The following EHD1 variants were observed in gnomAD, a reference collection of about 807,000 sequenced individuals.
The protein encoded by EHD1 is EH domain containing 1, also known as EH domain-containing protein 1.
Under a neutral mutation model 39.0 loss-of-function variants are expected in EHD1, and 19 were observed. The observed-to-expected ratio is 0.49, with a 90% CI of 0.34 to 0.72. The LOEUF (loss-of-function observed/expected upper bound fraction) is 0.72, where lower values mean the gene tolerates loss of function less well. Among genes scored for constraint, EHD1 ranks in the 30% least tolerant of loss-of-function variants. The pLI is 0.01. For synonymous variants in EHD1, 323 were observed against 331.2 expected (o/e 0.98, Z 0.27); for missense variants, 542 against 751.5 (o/e 0.72, Z 3.26).
intron 2 of EHD1, among the ~76,000 whole-genome samples, chr11:64,861,314 C>T (rs1253999291): frequency 6.6e-6 from 1 of 152,174 alleles, no homozygotes; most frequent in Non-Finnish European, 1.5e-5. Context: ...TAAACAGGTG[C>T]TAATGCAAAG....
At chr11:64,878,836 T>A, upstream of EHD1, 2 of 1,130,756 alleles carry the variant, frequency 1.8e-6, no homozygotes, top group African/African-American at 1.6e-5. Context: ...CAACCGCACC[T>A]GTTTCGCCCC....
At chr11:64,877,901 G>C (rs1393397634) in intron 1 of EHD1, 160 bp downstream of exon 1, 1 of 686,500 alleles carries the variant, frequency 1.5e-6, no homozygotes, top group Non-Finnish European at 2.2e-6. Context: ...GGTTTACTCT[G>C]GGAAGGGGCA....
At position 64,868,593 on chromosome 11, in the gene EHD1, C is replaced by T. The variant is rs142124297; in HGVS notation, c.502+5828G>A. ...GCAAAAGGCTTCATCCTGTATGATT[C>T]CATTTAGGTGACATTCCGGAAAAGG... is the stretch of plus-strand genomic sequence containing the variant. On this transcript the variant is annotated intron_variant, in intron 2 of 4. Transcript: ENST00000320631. This position sits in a 1 kb window ranked among gnomAD's most constrained non-coding sequence, Gnocchi z 4.2. Among the ~76,000 whole-genome samples the T allele has an allele frequency of 4.6e-5, 7 of 152,326 alleles. 1 individual carries two copies. Among genetic ancestry groups the T allele is most frequent in the African/African-American group, 1.7e-4 (7 of 41,578 alleles).
In EHD1 at chr11:64,858,640, C is replaced by T. The variant is rs149453259; in HGVS notation, c.915+1284G>A. Among the ~76,000 whole-genome samples the T allele has an allele frequency of 1.2e-3, 187 of 152,374 alleles. 2 individuals carry two copies. The highest frequency in any genetic ancestry group is 4.2e-3 in the African/African-American group (175 of 41,596). ...TCCACGGGGTCAACCCCAACCACAG[C>T]CGGGACTGTCACTCATGGTGACTCG... On this transcript the variant is annotated intron_variant, in intron 3 of 4. Coordinates refer to ENST00000320631, the MANE Select transcript of EHD1 (RefSeq NM_006795.4).
In EHD1 at chr11:64,874,518, C is replaced by T. The variant is rs1943865126; in HGVS notation, c.405G>A (p.Arg135=). 2 of 1,602,464 alleles carry T rather than the reference C, an allele frequency of 1.2e-6. No homozygotes were observed. Among genetic ancestry groups the T allele is most frequent in the Non-Finnish European group, 1.7e-6 (2 of 1,174,910 alleles). The change falls in exon 2 of 5, where the codon AGG becomes AGA. Residue 135 remains arginine, a splice_region_variant and synonymous_variant. Coordinates refer to ENST00000320631, the MANE Select transcript of EHD1 (RefSeq NM_006795.4). ...LNAFGNAFLN[R]FMCAQLPNPV... ...GGTTGGGCAGCTGGGCACACATGAACCTACATGAGAGCAAGAGCCAGAAGA... is the reference window on the plus strand; with the variant it reads ...GGTTGGGCAGCTGGGCACACATGAATCTACATGAGAGCAAGAGCCAGAAGA...
chr11:64,875,884 G>C (rs1366804235), intron 1 of EHD1, among the ~76,000 whole-genome samples: 1 of 152,234 alleles, frequency 6.6e-6, no homozygotes, highest in Non-Finnish European at 1.5e-5. Context: ...GCGCTGGAGA[G>C]ATGATTACAG....
chr11:64,861,683 A>G (rs946687392), intron 2 of EHD1, among the ~76,000 whole-genome samples: 1 of 152,084 alleles, frequency 6.6e-6, no homozygotes, highest in Non-Finnish European at 1.5e-5. Context: ...TCTTTTGTCT[A>G]ACACAGCAGA....
chr11:64,861,185 C>CA (rs113324966), intron 2 of EHD1, among the ~76,000 whole-genome samples: 9,314 of 125,312 alleles, frequency 0.074, 418 homozygotes, highest in Middle Eastern at 0.1. Context: ...GACTCCGTCT[C>CA]AAAAAAAAAA....
At chr11:64,858,190 C>CCTTTT (rs1555177683) in intron 3 of EHD1, among the ~76,000 whole-genome samples, 1 of 142,600 alleles carries the variant, frequency 7.0e-6, no homozygotes, top group Non-Finnish European at 1.5e-5. Flanking sequence ...TATTTCTTTT[C>CCTTTT]TTTTTTTTTG....
chr11:64,856,754 G>T, intron 3 of EHD1: 1 of 152,478 alleles, frequency 6.6e-6, no homozygotes, highest in Non-Finnish European at 1.5e-5. Flanking sequence ...ATCCCAGGCC[G>T]GTGGGAGTCA....
chr11:64,877,989 G>A (rs537991941), intron 1 of EHD1, 72 bp downstream of exon 1: 9 of 1,412,806 alleles, frequency 6.4e-6, no homozygotes, highest in Admixed American at 5.4e-5. Context: ...CGACAGCCAC[G>A]GGAGGGTCAG....
In EHD1 at chr11:64,854,310, G is replaced by T. The variant is rs755469852; in HGVS notation, c.*23C>A. ...CTGCCTCCCGGCCGGGCGTGCAAAT[G>T]GCAGGTGCGGGGCCGGGCGCCATCA... On this transcript the variant is annotated 3_prime_UTR_variant, in exon 5 of 5. Transcript: ENST00000320631. 1.3e-6 allele frequency: 2 copies of T among 1,577,330 alleles called. No individual in the cohort carries two copies. The highest frequency in any genetic ancestry group is 1.7e-5 in the Admixed American group (1 of 58,324).
At chr11:64,878,645 C>T, upstream of EHD1, 1 of 1,401,352 alleles carries the variant, frequency 7.1e-7, no homozygotes, top group Non-Finnish European at 9.2e-7. Flanking sequence ...CGCGGAGCGG[C>T]CTTTATAGGG....
chr11:64,858,721 G>A (rs1436531382), intron 3 of EHD1, among the ~76,000 whole-genome samples: 2 of 152,240 alleles, frequency 1.3e-5, no homozygotes, highest in African/African-American at 4.8e-5. Context: ...AAGGGCATGT[G>A]TTCTGTCATT....
chr11:64,853,336 T>C lies in EHD1; in HGVS notation c.*997A>G, dbSNP rs1376745586. Reference sequence around the variant, plus strand: ...GCTTCCTCTTACCAGCACCAAGCTGTCGTGAGGCCCCGCCACCGCCACCCA... The same window carrying C: ...GCTTCCTCTTACCAGCACCAAGCTGCCGTGAGGCCCCGCCACCGCCACCCA... On this transcript the variant is annotated 3_prime_UTR_variant, in exon 5 of 5. Transcript: ENST00000320631. The C allele has an allele frequency of 6.6e-6, 1 of 152,250 alleles. No homozygotes were observed. The highest frequency in any genetic ancestry group is 2.4e-5 in the African/African-American group (1 of 41,428). 9.4% of individuals were successfully genotyped at this position (152,250 alleles called of 1,614,324 possible). A position where few individuals can be genotyped will look rare whatever the true frequency, so the allele number is the denominator to read the frequency against.
intron 3 of EHD1, among the ~76,000 whole-genome samples, chr11:64,857,057 T>C (rs550180411): frequency 2.0e-5 from 3 of 152,356 alleles, no homozygotes; most frequent in East Asian, 3.9e-4. Flanking sequence ...GTCAGTCACC[T>C]GGGTTTTTGT....
upstream of EHD1, chr11:64,878,849 C>T: frequency 9.0e-7 from 1 of 1,113,912 alleles, no homozygotes; most frequent in Non-Finnish European, 1.1e-6. Flanking sequence ...TTCGCCCCGC[C>T]CCTCGTAGGG....
chr11:64,878,878 C>A (rs964265598), upstream of EHD1: 2 of 1,061,788 alleles, frequency 1.9e-6, no homozygotes, highest in Admixed American at 5.2e-5. Context: ...GAAAGTGCTG[C>A]GGTTAGGAAG....
intron 2 of EHD1, among the ~76,000 whole-genome samples, chr11:64,871,108 C>T (rs192597796): frequency 2.0e-5 from 3 of 152,136 alleles, no homozygotes; most frequent in Non-Finnish European, 4.4e-5. Flanking sequence ...CGGGGCCAGA[C>T]GGGGTGGGAA....
Sources: gnomAD v4.1 joint callset for allele counts (sites outside exome capture counted in the v4.1 genomes callset) on GRCh38, gnomAD v4.1.1 for gene constraint, Gnocchi (gnomAD v3.1) non-coding constraint, MANE v1.5 for transcripts, NCBI Gene and HGNC (gene_info 2026-07-23, HGNC 2026-07-21) for gene names.